The following SPIRE1 variants were observed in gnomAD, a reference collection of about 807,000 sequenced individuals.
SPIRE1 encodes the protein protein spire homolog 1.
Under a neutral mutation model 94.1 loss-of-function variants are expected in SPIRE1, and 40 were observed. That is an observed-to-expected ratio of 0.43 (90% CI 0.33 to 0.55). The LOEUF is 0.55. Among genes scored for constraint, SPIRE1 ranks in the 20% least tolerant of loss-of-function variants. SPIRE1 has a pLI of 0.06. For missense variants in SPIRE1, 838 were observed against 975.2 expected, an observed-to-expected ratio of 0.86 and a Z score of 1.87; for synonymous variants, 376 against 371.7, an observed-to-expected ratio of 1.01 and a Z score of -0.13.
intron 1 of SPIRE1, among the ~76,000 whole-genome samples, chr18:12,655,339 C>T (rs1033786375): frequency 2.0e-5 from 3 of 152,136 alleles, no homozygotes; most frequent in African/African-American, 7.2e-5. Context: ...CCAAATTATT[C>T]ATCAAGTGTA....
At chr18:12,452,990 T>C (rs918646178) in intron 14 of SPIRE1, 78 bp downstream of exon 14, 26 of 886,408 alleles carry the variant, frequency 2.9e-5, no homozygotes, top group Admixed American at 5.7e-5. Context: ...TTTAGAAAGA[T>C]GGTGAAATAA....
intron 10 of SPIRE1, among the ~76,000 whole-genome samples, chr18:12,471,157 A>G (rs909059830): frequency 1.3e-5 from 2 of 151,624 alleles, no homozygotes; most frequent in East Asian, 1.9e-4. Context: ...GTTATTAAAG[A>G]TAACAAGAGA....
chr18:12,521,509 G>C (rs1006020033), intron 4 of SPIRE1, among the ~76,000 whole-genome samples: 2 of 151,706 alleles, frequency 1.3e-5, no homozygotes, highest in African/African-American at 4.8e-5. Flanking sequence ...AATTTTTGTA[G>C]TATTAGTAGA....
chr18:12,453,808 C>T (rs555666555), intron 13 of SPIRE1, among the ~76,000 whole-genome samples: 1 of 151,742 alleles, frequency 6.6e-6, no homozygotes, highest in East Asian at 2.0e-4. Context: ...TTTATTGAGA[C>T]GGAGTCTCAC....
At chr18:12,460,043 C>A in intron 12 of SPIRE1, 1 of 326,748 alleles carries the variant, frequency 3.1e-6, no homozygotes, top group Non-Finnish European at 4.4e-6. Flanking sequence ...GAAAACAAAA[C>A]AAAAAACACC....
intron 8 of SPIRE1, among the ~76,000 whole-genome samples, chr18:12,486,349 A>G (rs1036144469): frequency 6.6e-6 from 1 of 152,268 alleles, no homozygotes; most frequent in South Asian, 2.1e-4. Context: ...GTTTTAAAAC[A>G]TGATTTTAGG....
intron 2 of SPIRE1, among the ~76,000 whole-genome samples, chr18:12,593,828 T>A (rs62097126): frequency 0.37 from 56,718 of 151,988 alleles, 11,214 homozygotes; most frequent in East Asian, 0.59. Context: ...GGCACATGCC[T>A]GTAATCCCAG....
chr18:12,476,564 AATAT>A (rs1261493981), intron 10 of SPIRE1, among the ~76,000 whole-genome samples: 153 of 69,838 alleles, frequency 2.2e-3, no homozygotes, highest in African/African-American at 9.3e-3. Context: ...AAAAAAAAAA[AATAT>A]ATATATATAT....
intron 2 of SPIRE1, among the ~76,000 whole-genome samples, chr18:12,619,927 C>T (rs1247085278): frequency 6.6e-6 from 1 of 150,852 alleles, no homozygotes; most frequent in African/African-American, 2.4e-5. Flanking sequence ...TCACAGATGA[C>T]ATAATCTTAT....
chr18:12,550,719 C>A (rs962008912), intron 2 of SPIRE1, among the ~76,000 whole-genome samples: 5 of 152,194 alleles, frequency 3.3e-5, no homozygotes, highest in African/African-American at 1.2e-4. Context: ...CATCTAACGT[C>A]TTTCCTTCTG....
intron 4 of SPIRE1, among the ~76,000 whole-genome samples, chr18:12,531,788 G>A (rs2034689813): frequency 6.6e-6 from 1 of 151,972 alleles, no homozygotes; most frequent in Non-Finnish European, 1.5e-5. Flanking sequence ...AAATTACCTG[G>A]ACCACAATAG....
chr18:12,613,818 G>T (rs184029223), intron 2 of SPIRE1, among the ~76,000 whole-genome samples: 1 of 152,312 alleles, frequency 6.6e-6, no homozygotes, highest in East Asian at 1.9e-4. Context: ...TTAAACCAAG[G>T]AGGCGGAGGT....
chr18:12,646,592 T>C (rs1348763979), intron 1 of SPIRE1, among the ~76,000 whole-genome samples: 1 of 152,154 alleles, frequency 6.6e-6, no homozygotes, highest in Non-Finnish European at 1.5e-5. Context: ...TTAGTGACAT[T>C]CTAGCACTAC....
intron 2 of SPIRE1, among the ~76,000 whole-genome samples, chr18:12,627,777 T>A (rs1407403590): frequency 1.3e-5 from 2 of 152,208 alleles, no homozygotes; most frequent in Non-Finnish European, 2.9e-5. Flanking sequence ...TATCTCATTG[T>A]GGTTTTGATT....
At chr18:12,528,535 G>A (rs752331040) in intron 4 of SPIRE1, among the ~76,000 whole-genome samples, 1 of 152,330 alleles carries the variant, frequency 6.6e-6, no homozygotes, top group African/African-American at 2.4e-5. Flanking sequence ...AATGAAGGAA[G>A]TGTAGGCAAC....
Position 12,449,182 on chromosome 18 carries a change from G to T in SPIRE1, c.*456C>A. 2.5e-5 allele frequency: 4 copies of T among 157,630 alleles called. No homozygotes were observed. Among genetic ancestry groups the T allele is most frequent in the South Asian group, 1.9e-4 (1 of 5,170 alleles). 9.8% of individuals were successfully genotyped at this position (157,630 alleles called of 1,614,324 possible). A position where few individuals can be genotyped will look rare whatever the true frequency, so the allele number is the denominator to read the frequency against. ...GAGCCCCCAGGTCGTGGAGTGTAGG[G>T]CTCTGGATCTCTCTGTACACGGGAT... On this transcript the variant is annotated 3_prime_UTR_variant, in exon 17 of 17. Transcript: ENST00000409402.
At chr18:12,570,427 T>C (rs1441536534) in intron 2 of SPIRE1, among the ~76,000 whole-genome samples, 1 of 152,214 alleles carries the variant, frequency 6.6e-6, no homozygotes, top group African/African-American at 2.4e-5. Context: ...CTATTGCCTT[T>C]GTCGTCATGC....
intron 5 of SPIRE1, among the ~76,000 whole-genome samples, chr18:12,509,875 A>G (rs1306036958): frequency 6.6e-6 from 1 of 152,122 alleles, no homozygotes; most frequent in Non-Finnish European, 1.5e-5. Context: ...CAGGTAGGTC[A>G]GGAGTACGAG....
chr18:12,661,279 G>T, upstream of SPIRE1: 1 of 683,248 alleles, frequency 1.5e-6, no homozygotes, highest in Non-Finnish European at 1.8e-6. Flanking sequence ...TTGCACCCCA[G>T]CCTGGGTGAC....
Sources: gnomAD v4.1 joint callset for allele counts (sites outside exome capture counted in the v4.1 genomes callset) on GRCh38, gnomAD v4.1.1 for gene constraint, MANE v1.5 for transcripts, NCBI Gene and HGNC (gene_info 2026-07-23, HGNC 2026-07-21) for gene names.